The following DTNA variants were observed in gnomAD, a reference collection of about 807,000 sequenced individuals.
The protein encoded by DTNA is dystrobrevin alpha.
A neutral mutation model predicts 100.7 loss-of-function variants in DTNA; 43 were observed. The observed-to-expected ratio is 0.43, with a 90% CI of 0.33 to 0.55. DTNA has a LOEUF of 0.55. DTNA is among the 20% of genes least tolerant of loss of function. DTNA has a pLI of 0.04. For synonymous variants in DTNA, 349 were observed against 347.9 expected, an observed-to-expected ratio of 1.00 and a Z score of -0.04; for missense variants, 798 against 953.9, an observed-to-expected ratio of 0.84 and a Z score of 2.15.
intron 1 of DTNA, among the ~76,000 whole-genome samples, chr18:34,731,571 A>T (rs922814641): frequency 6.6e-6 from 1 of 152,246 alleles, no homozygotes; most frequent in Non-Finnish European, 1.5e-5. Flanking sequence ...CAAGTGCATA[A>T]TGAAGAAATG....
chr18:34,852,194 C>T (rs570511176), intron 15 of DTNA, among the ~76,000 whole-genome samples: 1 of 152,240 alleles, frequency 6.6e-6, no homozygotes, highest in East Asian at 1.9e-4. Context: ...GTCTCACTTC[C>T]CTTTTTCTGA....
At chr18:34,651,065 C>G (rs1032688579) in intron 1 of DTNA, among the ~76,000 whole-genome samples, 1 of 152,110 alleles carries the variant, frequency 6.6e-6, no homozygotes, top group Admixed American at 6.6e-5. Context: ...CTAGACTTTA[C>G]GTCTTCTTTT....
At chr18:34,550,739 T>C (rs1206834699) in intron 1 of DTNA, among the ~76,000 whole-genome samples, 2 of 152,302 alleles carry the variant, frequency 1.3e-5, no homozygotes, top group African/African-American at 4.8e-5. Flanking sequence ...TCAGGGATCT[T>C]CAACTTTTTT....
chr18:34,649,074 G>A (rs1258347766), intron 1 of DTNA, among the ~76,000 whole-genome samples: 1 of 152,142 alleles, frequency 6.6e-6, no homozygotes, highest in Non-Finnish European at 1.5e-5. Flanking sequence ...GTGTTTATTA[G>A]AATGTTTTTT....
chr18:34,706,632 A>G (rs1311186151), upstream of DTNA, among the ~76,000 whole-genome samples: 1 of 152,198 alleles, frequency 6.6e-6, no homozygotes, highest in African/African-American at 2.4e-5. Context: ...TTAAAAACGG[A>G]TATTTTCTGT....
At chr18:34,542,391 G>C (rs992679668) in intron 1 of DTNA, among the ~76,000 whole-genome samples, 2 of 151,884 alleles carry the variant, frequency 1.3e-5, no homozygotes, top group African/African-American at 4.8e-5. Flanking sequence ...ATGGAATTTG[G>C]ATCAATGTGT....
chr18:34,855,794 ACTGTTAATTAAC>A (rs1429182338), intron 15 of DTNA, among the ~76,000 whole-genome samples: 1 of 152,212 alleles, frequency 6.6e-6, no homozygotes, highest in East Asian at 1.9e-4. Context: ...TCTTGGTTGC[ACTGTTAATTAAC>A]CTACTCTTCC....
intron 1 of DTNA, among the ~76,000 whole-genome samples, chr18:34,608,909 C>A (rs1451321189): frequency 6.6e-6 from 1 of 152,176 alleles, no homozygotes; most frequent in Admixed American, 6.5e-5. Context: ...GGATCTCAGA[C>A]CTAGAGCACG....
At chr18:34,791,568 A>G (rs2094743842) in intron 3 of DTNA, among the ~76,000 whole-genome samples, 1 of 152,242 alleles carries the variant, frequency 6.6e-6, no homozygotes, top group Non-Finnish European at 1.5e-5. Context: ...TGCTTGCTAG[A>G]TAGAAGAGTT....
At position 34,812,038 on chromosome 18, in the gene DTNA, A is replaced by C. The variant is rs1408711044; in HGVS notation, c.528A>C (p.Lys176Asn). The change falls in exon 6 of 23, where the codon AAA becomes AAC. Residue 176 changes from lysine (K) to asparagine (N), a missense_variant. Transcript: ENST00000444659. Reference sequence around the variant, plus strand: ...ACCAATTCCTTCGGGAAGTTCTCAAACTACCCACGGCAGTTTTTGAAGGTC... The same window carrying C: ...ACCAATTCCTTCGGGAAGTTCTCAACCTACCCACGGCAGTTTTTGAAGGTC... Reference protein sequence around the residue: ...RYDQFLREVLKLPTAVFEGPS... With the variant: ...RYDQFLREVLNLPTAVFEGPS... The C allele has an allele frequency of 6.2e-7, 1 of 1,613,928 alleles. No homozygotes were observed. Among genetic ancestry groups the C allele is most frequent in the Non-Finnish European group, 8.5e-7 (1 of 1,179,984 alleles).
intron 1 of DTNA, among the ~76,000 whole-genome samples, chr18:34,737,473 GT>G (rs1421915261): frequency 2.6e-5 from 4 of 152,086 alleles, no homozygotes; most frequent in African/African-American, 9.7e-5. Flanking sequence ...TTCTTTCTAA[GT>G]AGTTCACTTA....
At position 34,665,685 on chromosome 18, in the gene DTNA, G is replaced by C. The variant is rs529314835; in HGVS notation, c.-1-90291G>C. ...GAGAACATGCAGTGTTTGGTTTTTTGTCCTTGCGATAGTTTGCTGAGAATG... is the reference window on the plus strand; with the variant it reads ...GAGAACATGCAGTGTTTGGTTTTTTCTCCTTGCGATAGTTTGCTGAGAATG... On this transcript the variant is annotated intron_variant, in intron 1 of 19. Transcript: ENST00000283365. 3.3e-5 allele frequency among the ~76,000 whole-genome samples: 5 copies of C among 152,044 alleles called. No homozygotes were observed. The South Asian group carries it at 1.0e-3, about 32-fold the overall frequency.
chr18:34,818,674 G>C, intron 8 of DTNA: 37 of 1,118,602 alleles, frequency 3.3e-5, no homozygotes, highest in Non-Finnish European at 4.1e-5. Context: ...TCCAAGTTTT[G>C]TTTTGTGGAA....
At chr18:34,652,119 G>C (rs1275538303) in intron 1 of DTNA, among the ~76,000 whole-genome samples, 2 of 140,260 alleles carry the variant, frequency 1.4e-5, no homozygotes, top group African/African-American at 5.3e-5. Context: ...AGGAAGGAGA[G>C]AAGAAAAGAA....
chr18:34,686,112 T>C (rs2078859222), intron 1 of DTNA, among the ~76,000 whole-genome samples: 1 of 152,226 alleles, frequency 6.6e-6, no homozygotes, highest in Non-Finnish European at 1.5e-5. Flanking sequence ...CCTGTCTTCC[T>C]ATTTGAATAC....
chr18:34,704,461 A>G (rs2146281386), intron 1 of DTNA, among the ~76,000 whole-genome samples: 1 of 152,244 alleles, frequency 6.6e-6, no homozygotes, highest in East Asian at 1.9e-4. Flanking sequence ...CCCCAAACAA[A>G]TGCTTTCTAA....
At chr18:34,868,488 T>C in intron 17 of DTNA, 3 of 985,450 alleles carry the variant, frequency 3.0e-6, no homozygotes, top group Non-Finnish European at 3.6e-6. Flanking sequence ...TAGACTGGCA[T>C]CTGCTTCTAA....
At chr18:34,587,368 T>C (rs2049249645) in intron 1 of DTNA, among the ~76,000 whole-genome samples, 1 of 151,958 alleles carries the variant, frequency 6.6e-6, no homozygotes, top group Admixed American at 6.6e-5. Context: ...TATGTTTCCT[T>C]AGTCAGTCTC....
intron 1 of DTNA, among the ~76,000 whole-genome samples, chr18:34,654,810 T>C (rs1387817188): frequency 6.6e-6 from 1 of 152,096 alleles, no homozygotes; most frequent in East Asian, 1.9e-4. Flanking sequence ...CACTGCAACC[T>C]CCGCCTCCTG....
Sources: allele counts gnomAD v4.1 joint callset (sites outside exome capture counted in the v4.1 genomes callset), GRCh38; gene constraint gnomAD v4.1.1; transcripts MANE v1.5; gene names NCBI Gene and HGNC (gene_info 2026-07-23, HGNC 2026-07-21).